Variants in STRBP observed in about 807,000 individuals in gnomAD.
STRBP encodes spermatid perinuclear RNA binding protein.
In STRBP, 13 loss-of-function variants were observed where a neutral mutation model predicts 80.1. That is an observed-to-expected ratio of 0.16 (90% CI 0.11 to 0.26). The LOEUF (loss-of-function observed/expected upper bound fraction) is 0.26, where lower values mean the gene tolerates loss of function less well. STRBP is among the 10% of genes least tolerant of loss of function. The pLI, the probability that STRBP is intolerant of heterozygous loss-of-function variation, is 1.00. For missense variants in STRBP, 485 were observed against 815.2 expected (o/e 0.59, Z 4.93); for synonymous variants, 284 against 291.2 (o/e 0.98, Z 0.25).
intron 11 of STRBP, among the ~76,000 whole-genome samples, chr9:123,152,869 G>T (rs1333130992): frequency 3.9e-5 from 6 of 152,100 alleles, no homozygotes; most frequent in Non-Finnish European, 2.9e-5. Flanking sequence ...TTACACACAC[G>T]CACTGTATCA....
chr9:123,143,084 T>C (rs2132340371), intron 13 of STRBP, among the ~76,000 whole-genome samples: 1 of 152,328 alleles, frequency 6.6e-6, no homozygotes, highest in East Asian at 1.9e-4. Flanking sequence ...ATCATGGCTC[T>C]CTACTCAAAA....
At chr9:123,146,130 T>C (rs1437710905) in intron 13 of STRBP, among the ~76,000 whole-genome samples, 1 of 152,026 alleles carries the variant, frequency 6.6e-6, no homozygotes, top group Admixed American at 6.6e-5. Flanking sequence ...TGAAAGAACT[T>C]TTAAGTGAAT....
rs1055704683 is a variant in STRBP, at chr9:123,154,255, C to T, written c.1045+3757G>A. Among the ~76,000 whole-genome samples the T allele has an allele frequency of 3.3e-5, 5 of 152,102 alleles. No homozygotes were observed. In the East Asian group the frequency reaches 9.6e-4, roughly 29 times the overall value. On this transcript the variant is annotated intron_variant, in intron 11 of 18. Coordinates refer to ENST00000348403, the MANE Select transcript of STRBP (RefSeq NM_018387.5). ...GCATATTCATAGTGGATACTATATACCTATTAAAATGAACTATATCTATGT... is the reference window on the plus strand; with the variant it reads ...GCATATTCATAGTGGATACTATATATCTATTAAAATGAACTATATCTATGT...
At chr9:123,195,122 AAAAAC>A (rs1175847792) in intron 2 of STRBP, among the ~76,000 whole-genome samples, 3 of 152,122 alleles carry the variant, frequency 2.0e-5, no homozygotes, top group Non-Finnish European at 2.9e-5. Flanking sequence ...ATCAAAAACA[AAAAAC>A]AAAACAAAAC....
At chr9:123,112,096 C>T (rs969721208) in intron 3 of STRBP, 15 of 169,460 alleles carry the variant, frequency 8.9e-5, no homozygotes, top group African/African-American at 3.1e-4. Context: ...ACACCTGGCC[C>T]GACTGTGCTG....
intron 17 of STRBP, among the ~76,000 whole-genome samples, chr9:123,132,468 T>C (rs1334521551): frequency 6.6e-6 from 1 of 152,182 alleles, no homozygotes; most frequent in East Asian, 1.9e-4. Context: ...AATGCCAGGC[T>C]TCACCCTAAT....
intron 6 of STRBP, 51 bp downstream of exon 6, chr9:123,169,851 A>G (rs2037929932): frequency 9.0e-7 from 1 of 1,115,600 alleles, no homozygotes; most frequent in South Asian, 3.6e-5. Context: ...TGAAGAAAAC[A>G]AACAACAACA....
chr9:123,220,471 C>T (rs2040032159), intron 2 of STRBP, among the ~76,000 whole-genome samples: 1 of 152,164 alleles, frequency 6.6e-6, no homozygotes, highest in Admixed American at 6.5e-5. Context: ...TCTCATGGGA[C>T]CACTGTACAT....
intron 1 of STRBP, among the ~76,000 whole-genome samples, chr9:123,257,630 C>T (rs923298194): frequency 2.6e-5 from 4 of 152,124 alleles, no homozygotes; most frequent in Admixed American, 2.0e-4. Flanking sequence ...ACCTGGGCAA[C>T]ACAGCAAGAC....
chr9:123,152,087 A>C (rs548692742), intron 11 of STRBP, among the ~76,000 whole-genome samples: 2 of 152,302 alleles, frequency 1.3e-5, no homozygotes, highest in East Asian at 3.9e-4. Flanking sequence ...AGAAAAACAT[A>C]GCTTACCAAA....
At chr9:123,130,373 G>A (rs887722019) in intron 17 of STRBP, among the ~76,000 whole-genome samples, 2 of 152,106 alleles carry the variant, frequency 1.3e-5, no homozygotes, top group Non-Finnish European at 1.5e-5. Context: ...AAAGCTTCGG[G>A]ACACAGGCCT....
chr9:123,262,086 C>T (rs1430939510), intron 1 of STRBP, among the ~76,000 whole-genome samples: 1 of 152,090 alleles, frequency 6.6e-6, no homozygotes. Flanking sequence ...CATAAGTAAC[C>T]AGTTACAAAC....
At chr9:123,238,872 C>A (rs1040052489) in intron 1 of STRBP, among the ~76,000 whole-genome samples, 3 of 152,026 alleles carry the variant, frequency 2.0e-5, no homozygotes, top group East Asian at 1.9e-4. Flanking sequence ...GACACCCCCC[C>A]ACAATAAATT....
At position 123,123,532 on chromosome 9, in the gene STRBP, T is replaced by TAAAAA. The variant is rs5900563; in HGVS notation, c.*2060_*2064dup. 1.8e-6 allele frequency: 1 copy of TAAAAA among 568,532 alleles called. No homozygotes were observed. 35.2% of individuals were successfully genotyped at this position (568,532 alleles called of 1,614,324 possible). The stretch of plus-strand genomic sequence containing the variant: ...AGTAACTTCCAACAAACAACAAAAT[T>TAAAAA]AAAAAAAAAAAAAAAAGACTTGGTA... On this transcript the variant is annotated 3_prime_UTR_variant, in exon 19 of 19. Coordinates refer to ENST00000348403, the MANE Select transcript of STRBP (RefSeq NM_018387.5).
At chr9:123,195,985 G>A (rs765318361) in intron 2 of STRBP, among the ~76,000 whole-genome samples, 1 of 152,112 alleles carries the variant, frequency 6.6e-6, no homozygotes, top group Non-Finnish European at 1.5e-5. Context: ...ACAGCATAGT[G>A]CTGGCATAAA....
chr9:123,203,495 C>T (rs960354833), intron 2 of STRBP, among the ~76,000 whole-genome samples: 1 of 152,146 alleles, frequency 6.6e-6, no homozygotes. Flanking sequence ...TTCTTGGCCT[C>T]AACCTCTATC....
intron 2 of STRBP, among the ~76,000 whole-genome samples, chr9:123,198,401 G>C (rs1302086429): frequency 6.6e-6 from 1 of 152,032 alleles, no homozygotes; most frequent in Admixed American, 6.6e-5. Flanking sequence ...GCCTTCCAAA[G>C]TTCTGGGATT....
intron 6 of STRBP, among the ~76,000 whole-genome samples, chr9:123,161,639 G>C (rs2037527391): frequency 6.6e-6 from 1 of 152,104 alleles, no homozygotes; most frequent in Non-Finnish European, 1.5e-5. Context: ...GAGAACTCAA[G>C]TATCAGTTTG....
rs865950579 is a variant in STRBP, at chr9:123,182,217, T to A, written c.3+1915A>T. Among the ~76,000 whole-genome samples the A allele has an allele frequency of 1.1e-3, 75 of 69,792 alleles. 1 individual carries two copies. The highest frequency in any genetic ancestry group is 2.6e-3 in the African/African-American group (68 of 25,928). The allele number at this position is 69,792 out of a possible 152,430, so 45.8% of individuals were successfully genotyped here. A position where few individuals can be genotyped will look rare whatever the true frequency, so the allele number is the denominator to read the frequency against. Reference sequence around the variant, plus strand: ...GCAACAGAGTGAGACTCCGTTTCTTTAAAAAAAAAAAAAAAAAAAAAAAAA... The same window carrying A: ...GCAACAGAGTGAGACTCCGTTTCTTAAAAAAAAAAAAAAAAAAAAAAAAAA... On this transcript the variant is annotated intron_variant, in intron 3 of 18. Transcript: ENST00000348403.
Sources: gnomAD v4.1 joint callset for allele counts (sites outside exome capture counted in the v4.1 genomes callset) on GRCh38, gnomAD v4.1.1 for gene constraint, MANE v1.5 for transcripts, NCBI Gene and HGNC (gene_info 2026-07-23, HGNC 2026-07-21) for gene names.